CEMIP: variants seen among roughly 807,000 people sequenced by gnomAD.
CEMIP encodes the protein cell migration-inducing and hyaluronan-binding protein.
A neutral mutation model predicts 156.9 loss-of-function variants in CEMIP; 105 were observed. That is an observed-to-expected ratio of 0.67 (90% CI 0.57 to 0.79). The LOEUF is 0.79. Among genes scored for constraint, CEMIP ranks in the 30% least tolerant of loss-of-function variants. The pLI is 0.00. For missense variants in CEMIP, 1,457 were observed against 1,769.4 expected (o/e 0.82, Z 3.17); for synonymous variants, 676 against 668.4 (o/e 1.01, Z -0.17).
chr15:80,927,158 G>A (rs1900728055), intron 19 of CEMIP, among the ~76,000 whole-genome samples: 1 of 151,678 alleles, frequency 6.6e-6, no homozygotes, highest in Non-Finnish European at 1.5e-5. Flanking sequence ...CAGGAGAAAA[G>A]AAGTCATTCA....
In CEMIP at chr15:80,942,885, G is replaced by A. The variant is rs1210244266; in HGVS notation, c.3700-60G>A. The A allele has an allele frequency of 5.0e-6, 8 of 1,605,024 alleles. No homozygotes were observed. In the Admixed American group the frequency reaches 1.3e-4, roughly 27 times the overall value. On this transcript the variant is annotated intron_variant, in intron 27 of 29. Coordinates refer to ENST00000394685, the MANE Select transcript of CEMIP (RefSeq NM_001293298.2). The stretch of plus-strand genomic sequence containing the variant: ...CAGGGTCTGCTTGGGAACCACCTGG[G>A]CAGGAGAACCATGGGGCCTTGGCAC...
At chr15:80,882,748 GCA>G (rs1222853395) in intron 6 of CEMIP, among the ~76,000 whole-genome samples, 2 of 132,094 alleles carry the variant, frequency 1.5e-5, no homozygotes, top group Admixed American at 7.4e-5. Flanking sequence ...ATAAGCGCAT[GCA>G]CACACATACA....
At chr15:80,827,390 G>C (rs904299964) in intron 1 of CEMIP, among the ~76,000 whole-genome samples, 1 of 152,136 alleles carries the variant, frequency 6.6e-6, no homozygotes, top group Admixed American at 6.5e-5. Context: ...TTCCTGAAGT[G>C]GGCGGATCAC....
At chr15:80,916,579 C>T (rs1567099504) in intron 14 of CEMIP, among the ~76,000 whole-genome samples, 1 of 152,210 alleles carries the variant, frequency 6.6e-6, no homozygotes, top group African/African-American at 2.4e-5. Flanking sequence ...TATGTATCTG[C>T]TATCTGTCTA....
chr15:80,833,831 G>A (rs146104500), intron 1 of CEMIP, among the ~76,000 whole-genome samples: 153 of 152,152 alleles, frequency 1.0e-3, no homozygotes, highest in Admixed American at 8.7e-3. Context: ...ACCACACCCA[G>A]CTAATTTTTT....
intron 24 of CEMIP, 45 bp downstream of exon 24, chr15:80,936,930 C>T (rs150977680): frequency 1.3e-5 from 21 of 1,576,470 alleles, no homozygotes; most frequent in African/African-American, 5.4e-5. Flanking sequence ...AAGCTGATAA[C>T]GATGCCTTGT....
chr15:80,848,924 A>ACACACACACACC (rs1377504083), intron 1 of CEMIP, among the ~76,000 whole-genome samples: 1 of 144,072 alleles, frequency 6.9e-6, no homozygotes. Flanking sequence ...ACACACACAC[A>ACACACACACACC]CACCCTGGCT....
At position 80,936,698 on chromosome 15, in the gene CEMIP, A is replaced by G. The variant is rs150531740; in HGVS notation, c.3034A>G (p.Ser1012Gly). ...AQMYIQAYKTSNLRMKIIKND... is the reference protein window; with the variant it reads ...AQMYIQAYKTGNLRMKIIKND... ...GATGTACATTCAAGCCTACAAGACC[A>G]GTAACCTGCGAATGAAGATCATCAA... Residue 1012 changes from serine to glycine, a missense_variant, in exon 24 of 30, where the codon AGT (serine) becomes GGT (glycine). Ser to Gly is a moderately conservative substitution (Grantham distance 56). Coordinates refer to ENST00000394685, the MANE Select transcript of CEMIP (RefSeq NM_001293298.2). 3.1e-6 allele frequency: 5 copies of G among 1,614,002 alleles called. No individual in the cohort carries two copies. Among genetic ancestry groups the G allele is most frequent in the Admixed American group, 1.7e-5 (1 of 60,014 alleles).
intron 23 of CEMIP, 123 bp downstream of exon 23, chr15:80,933,583 T>G: frequency 1.4e-6 from 1 of 729,288 alleles, no homozygotes; most frequent in Non-Finnish European, 2.2e-6. Flanking sequence ...TTTTTTTTTC[T>G]TTTTCTTTCT....
chr15:80,843,656 T>C (rs1379403732), intron 1 of CEMIP, among the ~76,000 whole-genome samples: 2 of 152,224 alleles, frequency 1.3e-5, no homozygotes, highest in Non-Finnish European at 2.9e-5. Flanking sequence ...CATAGAATAG[T>C]TCCTTCTAAC....
At chr15:80,926,969 T>A (rs749032480) in intron 19 of CEMIP, among the ~76,000 whole-genome samples, 10 of 152,064 alleles carry the variant, frequency 6.6e-5, no homozygotes, top group Non-Finnish European at 1.2e-4. Flanking sequence ...TAGCTGGGAT[T>A]ACAAGCGTGC....
intron 1 of CEMIP, among the ~76,000 whole-genome samples, chr15:80,828,152 G>A (rs1439306074): frequency 1.3e-5 from 2 of 152,232 alleles, no homozygotes; most frequent in East Asian, 3.8e-4. Flanking sequence ...GCCGAGGCAG[G>A]CAGATCACCT....
At chr15:80,780,774 G>A (rs1327855485) in intron 1 of CEMIP, among the ~76,000 whole-genome samples, 1 of 152,210 alleles carries the variant, frequency 6.6e-6, no homozygotes, top group East Asian at 1.9e-4. Flanking sequence ...GCCCAGGCGC[G>A]ACGCCACCAT....
In CEMIP at chr15:80,905,149, C is replaced by A. The variant is rs879186174; in HGVS notation, c.1412-1514C>A. ...GGGTGTTACTCAGGGCTAATTATAACCATGGCCTTCACATGTGAACACTGG... is the reference window on the plus strand; with the variant it reads ...GGGTGTTACTCAGGGCTAATTATAAACATGGCCTTCACATGTGAACACTGG... On this transcript the variant is annotated intron_variant, in intron 12 of 29. Coordinates refer to ENST00000394685, the MANE Select transcript of CEMIP (RefSeq NM_001293298.2). 2.0e-5 allele frequency among the ~76,000 whole-genome samples: 3 copies of A among 152,178 alleles called. 1 individual carries two copies. The highest frequency in any genetic ancestry group is 2.0e-4 in the Admixed American group (3 of 15,282).
At chr15:80,926,224 T>A (rs369312548) in intron 19 of CEMIP, among the ~76,000 whole-genome samples, 1 of 152,178 alleles carries the variant, frequency 6.6e-6, no homozygotes, top group Non-Finnish European at 1.5e-5. Context: ...TAGCTAGAGT[T>A]TGAACTGGAA....
At position 80,833,469 on chromosome 15, in the gene CEMIP, T is replaced by C. The variant is rs904152355; in HGVS notation, c.-175-40069T>C. 8.4e-4 allele frequency among the ~76,000 whole-genome samples: 128 copies of C among 152,140 alleles called. 2 individuals carry two copies. The highest frequency in any genetic ancestry group is 8.4e-3 in the Admixed American group (128 of 15,270). ...AACTCAGAATTTACTCAGAAGTAAA[T>C]TTTTTTCCTCCAAAGGAATCAGGTT... is the stretch of plus-strand genomic sequence containing the variant. On this transcript the variant is annotated intron_variant, in intron 1 of 29. Coordinates refer to ENST00000394685, the MANE Select transcript of CEMIP (RefSeq NM_001293298.2).
intron 1 of CEMIP, among the ~76,000 whole-genome samples, chr15:80,831,746 G>A (rs1897162039): frequency 6.6e-6 from 1 of 152,156 alleles, no homozygotes; most frequent in South Asian, 2.1e-4. Context: ...GTTCATGCTG[G>A]GCAACTGTGG....
chr15:80,935,111 A>G (rs1471349644), intron 23 of CEMIP, among the ~76,000 whole-genome samples: 2 of 152,156 alleles, frequency 1.3e-5, no homozygotes, highest in Non-Finnish European at 2.9e-5. Context: ...GAGCTGTGCA[A>G]TGAGCCATGG....
chr15:80,941,048 T>C (rs1267674196), intron 25 of CEMIP, among the ~76,000 whole-genome samples: 2 of 152,144 alleles, frequency 1.3e-5, no homozygotes, highest in African/African-American at 4.8e-5. Context: ...GGCCCCTCTG[T>C]GAGTCCAATG....
Sources: gnomAD v4.1 joint callset for allele counts (sites outside exome capture counted in the v4.1 genomes callset) on GRCh38, gnomAD v4.1.1 for gene constraint, MANE v1.5 for transcripts, NCBI Gene and HGNC (gene_info 2026-07-23, HGNC 2026-07-21) for gene names.